FASTKD1: variants seen among roughly 807,000 people sequenced by gnomAD.
The protein encoded by FASTKD1 is FAST kinase domain-containing protein 1, mitochondrial.
In FASTKD1, 94 loss-of-function variants were observed where a neutral mutation model predicts 90.9. The observed-to-expected ratio is 1.03, with a 90% CI of 0.88 to 1.23. The LOEUF is 1.23. Among genes scored for constraint, FASTKD1 ranks in the 50% most tolerant of loss-of-function variants. The probability of loss-of-function intolerance (pLI) is 0.00; values close to 1 mark genes in which losing one functional copy is unlikely to be tolerated. For missense variants in FASTKD1, 945 were observed against 993.5 expected, an observed-to-expected ratio of 0.95 and a Z score of 0.66; for synonymous variants, 319 against 345.8, an observed-to-expected ratio of 0.92 and a Z score of 0.86.
chr2:169,567,290 G>A lies in FASTKD1; in HGVS notation c.446+1894C>T, dbSNP rs146562714. ...ACAAAAGACCACCTATTTTACAAGT[G>A]ATTTGTTCAAGCTGCATAATACACA... On this transcript the variant is annotated intron_variant, in intron 3 of 14. Coordinates refer to ENST00000453153, the MANE Select transcript of FASTKD1 (RefSeq NM_024622.6). Among the ~76,000 whole-genome samples, 1,427 of 152,246 alleles carry A rather than the reference G, an allele frequency of 9.4e-3. 30 individuals are homozygous for A. Among genetic ancestry groups the A allele is most frequent in the African/African-American group, 0.033 (1,363 of 41,526 alleles).
intron 5 of FASTKD1, among the ~76,000 whole-genome samples, chr2:169,558,510 C>T (rs556696830): frequency 1.4e-3 from 207 of 151,754 alleles, no homozygotes; most frequent in African/African-American, 4.7e-3. Context: ...AGTGCAATGG[C>T]GCAATCCTGG....
intron 12 of FASTKD1, among the ~76,000 whole-genome samples, chr2:169,532,581 C>A: frequency 6.6e-6 from 1 of 150,872 alleles, no homozygotes. Flanking sequence ...TACAGCAAAC[C>A]CAGGTTTACA....
In FASTKD1 at chr2:169,555,266, T is replaced by G. The variant is rs114920384; in HGVS notation, c.1083-11A>C. 6.3e-7 allele frequency: 1 copy of G among 1,598,778 alleles called. No individual in the cohort carries two copies. The highest frequency in any genetic ancestry group is 2.2e-5 in the East Asian group (1 of 44,726). On this transcript the variant is annotated splice_polypyrimidine_tract_variant and intron_variant, in intron 6 of 14. Transcript: ENST00000453153. ...AGAACTGAAGTAACTCTAAAAAGGA[T>G]AGAGCATATATTATAACCAGTTCAT...
intron 9 of FASTKD1, 86 bp from the exon 10 acceptor site, chr2:169,540,265 T>TA (rs1010184935): frequency 1.7e-4 from 224 of 1,286,388 alleles, no homozygotes; most frequent in Non-Finnish European, 2.0e-4. Flanking sequence ...CCCAGGTTTT[T>TA]AAAAAAAAGA....
intron 7 of FASTKD1, among the ~76,000 whole-genome samples, chr2:169,551,301 T>C (rs556831629): frequency 3.8e-4 from 58 of 152,284 alleles, no homozygotes; most frequent in African/African-American, 1.2e-3. Flanking sequence ...GAAATGAATA[T>C]GTATGTTCAC....
intron 4 of FASTKD1, among the ~76,000 whole-genome samples, chr2:169,562,999 C>G (rs1431997244): frequency 6.6e-6 from 1 of 152,194 alleles, no homozygotes; most frequent in Non-Finnish European, 1.5e-5. Flanking sequence ...AGATCCTCCA[C>G]AGACCTCAAC....
In FASTKD1 at chr2:169,572,080, A is replaced by C; in HGVS notation, c.-51T>G. On this transcript the variant is annotated 5_prime_UTR_variant, in exon 2 of 15. Transcript: ENST00000453153. ...ACAAAACCATCTGCAACTAGTCGTC[A>C]GGTGCAATAAGCAGGGATACAAATA... 1 of 1,523,784 alleles carries C rather than the reference A, an allele frequency of 6.6e-7. No homozygotes were observed. The highest frequency in any genetic ancestry group is 1.3e-5 in the South Asian group (1 of 74,776). 94.4% of individuals were successfully genotyped at this position (1,523,784 alleles called of 1,614,324 possible).
chr2:169,548,731 C>CAAAAAAAAA (rs58560988), intron 7 of FASTKD1, among the ~76,000 whole-genome samples: 1 of 35,658 alleles, frequency 2.8e-5, no homozygotes, highest in Non-Finnish European at 5.0e-5. Context: ...GACTCCGCCT[C>CAAAAAAAAA]AAAAAAAAAA....
Position 169,560,611 on chromosome 2 carries a change from T to C in FASTKD1, c.747A>G (p.Leu249=), listed in dbSNP as rs1438537334. Residue 249 remains leucine (L), a synonymous_variant, in exon 5 of 15, where the codon TTA becomes TTG. Transcript: ENST00000453153. ...RNVRYRYQPL[L]ERCNNVFLSN... The stretch of plus-strand genomic sequence containing the variant: ...TTAAAAATACGTTATTACATCTTTC[T>C]AATAGTGGTTGATAACGATATCTAA... 3.7e-6 allele frequency: 6 copies of C among 1,612,016 alleles called. No homozygotes were observed. Among genetic ancestry groups the C allele is most frequent in the Non-Finnish European group, 5.1e-6 (6 of 1,179,304 alleles).
intron 7 of FASTKD1, among the ~76,000 whole-genome samples, chr2:169,553,727 C>G (rs1040597506): frequency 6.6e-6 from 1 of 151,722 alleles, no homozygotes; most frequent in African/African-American, 2.4e-5. Flanking sequence ...ACCATCCTGG[C>G]TAACACAGTG....
At chr2:169,561,812 T>C (rs1320450641) in intron 4 of FASTKD1, among the ~76,000 whole-genome samples, 3 of 146,330 alleles carry the variant, frequency 2.1e-5, no homozygotes, top group African/African-American at 7.4e-5. Context: ...TATTAATTTA[T>C]TGTAAATTAT....
At chr2:169,532,040 A>G (rs1284546227) in intron 12 of FASTKD1, among the ~76,000 whole-genome samples, 1 of 152,218 alleles carries the variant, frequency 6.6e-6, no homozygotes, top group Non-Finnish European at 1.5e-5. Context: ...AACTGCTAAA[A>G]TCAGCAGGTG....
intron 4 of FASTKD1, among the ~76,000 whole-genome samples, chr2:169,561,570 C>A (rs1345013880): frequency 6.6e-6 from 1 of 151,370 alleles, no homozygotes; most frequent in Non-Finnish European, 1.5e-5. Context: ...GCAAATGTAA[C>A]TATTAACTCT....
In FASTKD1 at chr2:169,538,069, C is replaced by T; in HGVS notation, c.2018G>A (p.Cys673Tyr). 1.2e-6 allele frequency: 2 copies of T among 1,612,226 alleles called. No homozygotes were observed. Among genetic ancestry groups the T allele is most frequent in the Non-Finnish European group, 1.7e-6 (2 of 1,179,216 alleles). ...AAACCATGGAATCTGAAACTCAGGG[C>T]ATTCCAAGCAGACTGATCTATTTAA... ...MELNRSVCLE[C>Y]PEFQIPWFHD... is the part of the protein sequence containing the mutation. Residue 673 changes from cysteine (C) to tyrosine (Y), a missense_variant, in exon 11 of 15, where the codon TGC becomes TAC. Cys to Tyr is a radical substitution (Grantham distance 194). Transcript: ENST00000453153.
chr2:169,566,745 T>C (rs1183149429), intron 3 of FASTKD1, among the ~76,000 whole-genome samples: 1 of 152,146 alleles, frequency 6.6e-6, no homozygotes, highest in Non-Finnish European at 1.5e-5. Flanking sequence ...TTCAAATACA[T>C]GTTAATTATC....
rs1369279649 is a variant in FASTKD1, at chr2:169,529,362, A to T, written c.*463T>A. Among the ~76,000 whole-genome samples, 2 of 152,108 alleles carry T rather than the reference A, an allele frequency of 1.3e-5. No individual in the cohort carries two copies. The highest frequency in any genetic ancestry group is 2.9e-5 in the Non-Finnish European group (2 of 68,026). Reference sequence around the variant, plus strand: ...TCTGTTGCCTTTATCTTCAACATACATCCAAAAAATCTGACTACTTCTTAT... The same window carrying T: ...TCTGTTGCCTTTATCTTCAACATACTTCCAAAAAATCTGACTACTTCTTAT... On this transcript the variant is annotated 3_prime_UTR_variant, in exon 15 of 15. Transcript: ENST00000453153.
intron 5 of FASTKD1, among the ~76,000 whole-genome samples, chr2:169,558,544 G>C (rs1337994271): frequency 6.6e-6 from 1 of 152,110 alleles, no homozygotes; most frequent in African/African-American, 2.4e-5. Flanking sequence ...CAGTCTCCCA[G>C]GTTCAAGCGA....
At chr2:169,532,868 C>T (rs1684552723) in intron 12 of FASTKD1, among the ~76,000 whole-genome samples, 2 of 152,170 alleles carry the variant, frequency 1.3e-5, no homozygotes, top group African/African-American at 2.4e-5. Flanking sequence ...ATAGGTTCCA[C>T]TGCCTTCAAT....
Position 169,528,881 on chromosome 2 carries a change from T to TG in FASTKD1, c.*943dup. On this transcript the variant is annotated 3_prime_UTR_variant, in exon 15 of 15. Transcript: ENST00000453153. The stretch of plus-strand genomic sequence containing the variant: ...CTTACCTTCCTTCCTCCTACCTCAT[T>TG]GGCCATCCCTGCTCAGTCTCCTTTC... 6.6e-6 allele frequency among the ~76,000 whole-genome samples: 1 copy of TG among 152,202 alleles called. No homozygotes were observed. The highest frequency in any genetic ancestry group is 1.9e-4 in the East Asian group (1 of 5,178).
Sources: gnomAD v4.1 joint callset for allele counts (sites outside exome capture counted in the v4.1 genomes callset) on GRCh38, gnomAD v4.1.1 for gene constraint, MANE v1.5 for transcripts, NCBI Gene and HGNC (gene_info 2026-07-23, HGNC 2026-07-21) for gene names.